The following PRH1 variants were observed in gnomAD, a reference collection of about 807,000 sequenced individuals.
PRH1 encodes proline rich protein HaeIII subfamily 1.
Under a neutral mutation model 7.9 loss-of-function variants are expected in PRH1, and 7 were observed. The observed-to-expected ratio is 0.89, with a 90% CI of 0.50 to 1.67. PRH1 has a LOEUF of 1.67. Ranked by LOEUF, PRH1 falls within the 40% of genes most tolerant of loss-of-function variation. The probability of loss-of-function intolerance (pLI) is 0.00; values close to 1 mark genes in which losing one functional copy is unlikely to be tolerated. For synonymous variants in PRH1, 45 were observed against 80.8 expected (o/e 0.56, Z 2.38); for missense variants, 109 against 223.6 (o/e 0.49, Z 3.27).
intron 1 of PRH1, among the ~76,000 whole-genome samples, chr12:10,989,656 T>C (rs1290701613): frequency 1.3e-5 from 2 of 152,236 alleles, no homozygotes; most frequent in African/African-American, 4.8e-5. Context: ...TTTAGACTTA[T>C]GCACATATTT....
At chr12:10,892,932 GATGT>G (rs1051934609) in intron 2 of PRH1, among the ~76,000 whole-genome samples, 2 of 152,194 alleles carry the variant, frequency 1.3e-5, no homozygotes, top group African/African-American at 4.8e-5. Flanking sequence ...GTGAACTGGG[GATGT>G]ATGTGCAGAA....
intron 1 of PRH1, among the ~76,000 whole-genome samples, chr12:11,000,032 A>G (rs1195967233): frequency 2.0e-5 from 3 of 152,158 alleles, no homozygotes; most frequent in African/African-American, 7.2e-5. Context: ...TACTACTATC[A>G]GCATTATTTC....
chr12:11,125,616 G>C (rs984264925), intron 1 of PRH1, among the ~76,000 whole-genome samples: 1 of 152,264 alleles, frequency 6.6e-6, no homozygotes, highest in African/African-American at 2.4e-5. Context: ...CACATGCATG[G>C]TATTATAATC....
At chr12:11,152,092 A>G (rs1947113400) in intron 1 of PRH1, among the ~76,000 whole-genome samples, 1 of 150,242 alleles carries the variant, frequency 6.7e-6, no homozygotes, top group Non-Finnish European at 1.5e-5. Context: ...TTTTTTAATT[A>G]TTATTATACT....
intron 2 of PRH1, among the ~76,000 whole-genome samples, chr12:10,915,829 C>G (rs1162839749): frequency 6.6e-6 from 1 of 152,154 alleles, no homozygotes; most frequent in Admixed American, 6.5e-5. Flanking sequence ...AAAAGCATCC[C>G]CATCGCGTTC....
intron 1 of PRH1, among the ~76,000 whole-genome samples, chr12:10,979,798 CTA>C (rs1939268350): frequency 6.6e-6 from 1 of 152,104 alleles, no homozygotes; most frequent in Non-Finnish European, 1.5e-5. Context: ...AAGACAGAGT[CTA>C]TAAAATTTGC....
intron 1 of PRH1, chr12:11,035,001 A>C (rs1942376844): frequency 6.6e-6 from 1 of 152,230 alleles, no homozygotes; most frequent in Admixed American, 6.5e-5. Context: ...CACTGAAGAC[A>C]TGAATCCATT....
chr12:10,930,491 C>T (rs1335746291), intron 2 of PRH1, among the ~76,000 whole-genome samples: 3 of 152,096 alleles, frequency 2.0e-5, no homozygotes, highest in African/African-American at 4.8e-5. Flanking sequence ...TTTCACCACC[C>T]TAATGTGGAT....
intron 2 of PRH1, among the ~76,000 whole-genome samples, chr12:10,945,943 A>C (rs117187420): frequency 0.02 from 3,012 of 152,320 alleles, 35 homozygotes; most frequent in South Asian, 0.031. Flanking sequence ...CCACCTAGCT[A>C]ACCAGCAGTC....
chr12:11,046,890 T>C lies in PRH1; in HGVS notation c.-126+130A>G, dbSNP rs954352446. 7.2e-5 allele frequency: 27 copies of C among 372,572 alleles called. 1 individual carries two copies. Among genetic ancestry groups the C allele is most frequent in the Non-Finnish European group, 3.6e-5 (6 of 164,914 alleles). The allele number at this position is 372,572 out of a possible 1,614,324, so 23.1% of individuals were successfully genotyped here. The stretch of plus-strand genomic sequence containing the variant: ...CTGAATTATAGAGAACAGCTCATGA[T>C]GGAATTGGGGAGAATATTGGCATCA... On this transcript the variant is annotated intron_variant, in intron 1 of 3. Coordinates refer to the PRH1 transcript ENST00000539853.
chr12:11,076,094 A>ATT lies in PRH1; in HGVS notation n.124-28907_124-28906insAA, dbSNP rs199612319. Among the ~76,000 whole-genome samples the ATT allele has an allele frequency of 3.5e-4, 40 of 114,524 alleles. 11 individuals carry two copies. Among genetic ancestry groups the ATT allele is most frequent in the African/African-American group, 1.2e-3 (40 of 34,346 alleles). The allele number at this position is 114,524 out of a possible 152,430, so 75.1% of individuals were successfully genotyped here. A position where few individuals can be genotyped will look rare whatever the true frequency, so the allele number is the denominator to read the frequency against. ...ATGTGGATGTAATATATATATATAT[A>ATT]TCAGATGAGGAGTTGACTTATTTTA... On this transcript the variant is annotated intron_variant and non_coding_transcript_variant, in intron 1 of 4. Transcript: ENST00000541977.
chr12:11,142,942 G>T (rs1416871308), intron 1 of PRH1, among the ~76,000 whole-genome samples: 1 of 152,136 alleles, frequency 6.6e-6, no homozygotes, highest in African/African-American at 2.4e-5. Flanking sequence ...TATAAGAAAT[G>T]TTAAAGGGAT....
intron 2 of PRH1, chr12:10,909,081 A>G: frequency 6.2e-7 from 1 of 1,613,658 alleles, no homozygotes; most frequent in Non-Finnish European, 8.5e-7. Context: ...AAATATGGCT[A>G]GATAATGCAG....
At chr12:11,169,209 C>T (rs922543101) in intron 1 of PRH1, among the ~76,000 whole-genome samples, 13 of 152,294 alleles carry the variant, frequency 8.5e-5, no homozygotes, top group Middle Eastern at 3.4e-3. Context: ...AAGCCATTTC[C>T]AATCATGAAT....
chr12:10,894,104 T>C (rs10772381), intron 2 of PRH1, among the ~76,000 whole-genome samples: 75,338 of 151,888 alleles, frequency 0.5, 20,919 homozygotes, highest in East Asian at 0.72. Context: ...ATCGTCTTGG[T>C]CTTCTATATT....
At chr12:10,957,694 C>A (rs1938040925) in intron 2 of PRH1, among the ~76,000 whole-genome samples, 2 of 151,784 alleles carry the variant, frequency 1.3e-5, no homozygotes, top group Admixed American at 1.3e-4. Context: ...ATATCCGGAA[C>A]ATATAAGGAA....
chr12:11,170,749 T>G (rs1374464603), intron 1 of PRH1, among the ~76,000 whole-genome samples: 1 of 152,192 alleles, frequency 6.6e-6, no homozygotes, highest in East Asian at 1.9e-4. Context: ...TGTCCACTAG[T>G]TTTTTGCTTG....
rs546061892 is a variant in PRH1, at chr12:10,933,599, G to GA, written c.-59+40055dup. ...GTTTTGGATAATGAAGTCAGCAGAG[G>GA]AAAAAAAAATATGACCATCTCAAAA... On this transcript the variant is annotated intron_variant, in intron 2 of 3. Transcript: ENST00000539853. Among the ~76,000 whole-genome samples the GA allele has an allele frequency of 1.1e-4, 17 of 150,302 alleles. No individual in the cohort carries two copies. The East Asian group carries it at 1.2e-3, about 10-fold the overall frequency.
chr12:10,884,089 T>C (rs1360062490), intron 1 of PRH1, 65 bp downstream of exon 1: 18 of 1,598,048 alleles, frequency 1.1e-5, no homozygotes, highest in East Asian at 8.9e-5. Flanking sequence ...TCCACTTTCC[T>C]CCTCTATAGC....
Sources: allele counts gnomAD v4.1 joint callset (sites outside exome capture counted in the v4.1 genomes callset), GRCh38; gene constraint gnomAD v4.1.1; transcripts MANE v1.5; gene names NCBI Gene and HGNC (gene_info 2026-07-23, HGNC 2026-07-21).